The following YTHDC2 variants were observed in gnomAD, a reference collection of about 807,000 sequenced individuals.
YTHDC2 encodes YTH N6-methyladenosine RNA binding protein C2.
YTHDC2 carries 45 observed loss-of-function variants against 174.9 expected under a neutral mutation model. That is an observed-to-expected ratio of 0.26 (90% CI 0.20 to 0.33). The LOEUF is 0.33. YTHDC2 is among the 10% of genes least tolerant of loss of function. The pLI is 1.00. For synonymous variants in YTHDC2, 657 were observed against 574.5 expected (o/e 1.14, Z -2.05); for missense variants, 1,650 against 1,723.7 (o/e 0.96, Z 0.76).
At chr5:113,580,832 T>C (rs1031202839) in intron 24 of YTHDC2, among the ~76,000 whole-genome samples, 15 of 152,222 alleles carry the variant, frequency 9.9e-5, no homozygotes, top group African/African-American at 3.6e-4. Context: ...CATTAATCTT[T>C]CTTAATTCTT....
chr5:113,595,168 A>G lies in YTHDC2; in HGVS notation c.*1694A>G, dbSNP rs1432759492. Reference sequence around the variant, plus strand: ...CATCTGTTTTGTAATATCTAGCTCTATATGTAAATGATGGGTTTGTTGGTA... The same window carrying G: ...CATCTGTTTTGTAATATCTAGCTCTGTATGTAAATGATGGGTTTGTTGGTA... On this transcript the variant is annotated 3_prime_UTR_variant, in exon 30 of 30. Coordinates refer to ENST00000161863, the MANE Select transcript of YTHDC2 (RefSeq NM_022828.5). 2.0e-5 allele frequency: 3 copies of G among 152,140 alleles called. No individual in the cohort carries two copies. Among genetic ancestry groups the G allele is most frequent in the Admixed American group, 6.5e-5 (1 of 15,274 alleles). 9.4% of individuals were successfully genotyped at this position (152,140 alleles called of 1,614,324 possible).
chr5:113,526,166 A>G (rs1774224407), intron 3 of YTHDC2, among the ~76,000 whole-genome samples: 1 of 152,106 alleles, frequency 6.6e-6, no homozygotes, highest in Admixed American at 6.5e-5. Context: ...TATAAGTATA[A>G]TGTACATTAT....
intron 18 of YTHDC2, among the ~76,000 whole-genome samples, chr5:113,562,173 C>G (rs184140624): frequency 8.2e-5 from 12 of 145,828 alleles, no homozygotes; most frequent in Admixed American, 2.1e-4. Flanking sequence ...TCCCACTTCC[C>G]AATGCTTATG....
intron 10 of YTHDC2, among the ~76,000 whole-genome samples, chr5:113,546,266 T>C (rs1467667196): frequency 6.6e-6 from 1 of 152,216 alleles, no homozygotes; most frequent in Non-Finnish European, 1.5e-5. Context: ...TTCTTCCTGA[T>C]ATTTCTTTAG....
rs1350939849 is a variant in YTHDC2, at chr5:113,595,238, G to A, written c.*1764G>A. ...GAATGTAATTAAAGTGCTGTTTTTTGGAAGCGATAAACTTTAAATATACTT... is the reference window on the plus strand; with the variant it reads ...GAATGTAATTAAAGTGCTGTTTTTTAGAAGCGATAAACTTTAAATATACTT... On this transcript the variant is annotated 3_prime_UTR_variant, in exon 30 of 30. Transcript: ENST00000161863. The A allele has an allele frequency of 6.6e-6, 1 of 151,900 alleles. No homozygotes were observed. The highest frequency in any genetic ancestry group is 1.5e-5 in the Non-Finnish European group (1 of 67,948). The allele number at this position is 151,900 out of a possible 1,614,324, so 9.4% of individuals were successfully genotyped here.
chr5:113,529,571 C>G (rs1175968007), intron 4 of YTHDC2, among the ~76,000 whole-genome samples: 1 of 152,088 alleles, frequency 6.6e-6, no homozygotes, highest in Non-Finnish European at 1.5e-5. Context: ...AAACATTTAT[C>G]AAGCTGATAA....
At chr5:113,543,845 A>G (rs988690949) in intron 10 of YTHDC2, among the ~76,000 whole-genome samples, 5 of 152,292 alleles carry the variant, frequency 3.3e-5, no homozygotes, top group South Asian at 2.1e-4. Context: ...CTAGAATACT[A>G]TCTCCACTGG....
intron 10 of YTHDC2, among the ~76,000 whole-genome samples, chr5:113,546,415 CA>C (rs1354831209): frequency 2.0e-5 from 3 of 152,190 alleles, no homozygotes; most frequent in Non-Finnish European, 4.4e-5. Flanking sequence ...TAAAATGTTA[CA>C]GTAGCTCAAT....
chr5:113,518,918 G>T (rs947864056), intron 2 of YTHDC2, among the ~76,000 whole-genome samples: 1 of 152,018 alleles, frequency 6.6e-6, no homozygotes, highest in Non-Finnish European at 1.5e-5. Flanking sequence ...GTCTTCCTCT[G>T]TTGTCCAGGC....
In YTHDC2 at chr5:113,540,949, T is replaced by C; in HGVS notation, c.1211-19T>C. 1 of 1,601,930 alleles carries C rather than the reference T, an allele frequency of 6.2e-7. No homozygotes were observed. Among genetic ancestry groups the C allele is most frequent in the Non-Finnish European group, 8.5e-7 (1 of 1,173,672 alleles). The stretch of plus-strand genomic sequence containing the variant: ...GGAAATGATTTGTCTACATATTCTT[T>C]CTTTGATAATTAATTTAGAAGAGAA... On this transcript the variant is annotated intron_variant, in intron 8 of 29. Coordinates refer to ENST00000161863, the MANE Select transcript of YTHDC2 (RefSeq NM_022828.5).
chr5:113,574,136 GT>G (rs1311565862), intron 23 of YTHDC2, among the ~76,000 whole-genome samples: 13 of 152,248 alleles, frequency 8.5e-5, no homozygotes, highest in Admixed American at 7.2e-4. Flanking sequence ...TTTGAATGAG[GT>G]TTTTGTGGAG....
chr5:113,556,210 A>G (rs1042069191), intron 17 of YTHDC2, 76 bp downstream of exon 17: 5 of 704,382 alleles, frequency 7.1e-6, no homozygotes, highest in East Asian at 2.9e-5. Context: ...CACATTTATC[A>G]TATATTCCAT....
chr5:113,532,853 T>G (rs1774770663), intron 4 of YTHDC2, 26 bp from the exon 5 acceptor site: 1 of 1,590,298 alleles, frequency 6.3e-7, no homozygotes, highest in South Asian at 1.1e-5. Context: ...CATGTCATCT[T>G]ACAGTTTTTA....
At chr5:113,581,342 A>G in intron 24 of YTHDC2, 75 bp from the exon 25 acceptor site, 2 of 1,338,098 alleles carry the variant, frequency 1.5e-6, no homozygotes, top group Non-Finnish European at 2.0e-6. Flanking sequence ...GTTGCAAACT[A>G]ATGGAAACTA....
intron 12 of YTHDC2, among the ~76,000 whole-genome samples, 200 bp downstream of exon 12, chr5:113,549,220 C>A (rs766273482): frequency 9.9e-4 from 151 of 152,098 alleles, no homozygotes; most frequent in Non-Finnish European, 1.9e-3. Context: ...GAGGGATTTC[C>A]AATTAAACAT....
intron 19 of YTHDC2, 113 bp from the exon 20 acceptor site, chr5:113,563,746 T>A (rs1777159017): frequency 8.1e-7 from 1 of 1,232,884 alleles, no homozygotes; most frequent in Non-Finnish European, 1.1e-6. Flanking sequence ...TTTTATGAGA[T>A]GTAGTAGCAA....
intron 29 of YTHDC2, 29 bp downstream of exon 29, chr5:113,593,419 C>T (rs148546180): frequency 0.011 from 17,078 of 1,522,212 alleles, 115 homozygotes; most frequent in Middle Eastern, 0.013. Flanking sequence ...TGAGTATTGG[C>T]AGTATTTGTG....
chr5:113,577,585 G>C (rs577731017), intron 23 of YTHDC2, among the ~76,000 whole-genome samples: 54 of 152,184 alleles, frequency 3.5e-4, no homozygotes, highest in African/African-American at 1.3e-3. Context: ...GCCCAGGCTG[G>C]TCTCAAACTT....
chr5:113,519,689 TGAG>T (rs1773728706), intron 2 of YTHDC2, among the ~76,000 whole-genome samples: 1 of 152,142 alleles, frequency 6.6e-6, no homozygotes, highest in Non-Finnish European at 1.5e-5. Context: ...CTGCATTCCT[TGAG>T]GAGGCAGGAG....
Sources: allele counts gnomAD v4.1 joint callset (sites outside exome capture counted in the v4.1 genomes callset), GRCh38; gene constraint gnomAD v4.1.1; transcripts MANE v1.5; gene names NCBI Gene and HGNC (gene_info 2026-07-23, HGNC 2026-07-21).